Variants in RAP1GAP2 observed in about 807,000 individuals in gnomAD.
RAP1GAP2 encodes the protein rap1 GTPase-activating protein 2.
RAP1GAP2 carries 27 observed loss-of-function variants against 95.0 expected under a neutral mutation model. The ratio of observed to expected loss-of-function variants is 0.28; its 90% CI spans 0.21 to 0.39. RAP1GAP2 has a LOEUF of 0.39. Among genes scored for constraint, RAP1GAP2 ranks in the 10% least tolerant of loss-of-function variants. The pLI is 1.00. For synonymous variants in RAP1GAP2, 373 were observed against 380.9 expected, an observed-to-expected ratio of 0.98 and a Z score of 0.24; for missense variants, 771 against 970.0, an observed-to-expected ratio of 0.79 and a Z score of 2.72.
intron 2 of RAP1GAP2, among the ~76,000 whole-genome samples, chr17:2,873,091 A>G (rs2072915824): frequency 6.7e-6 from 1 of 148,606 alleles, no homozygotes; most frequent in Non-Finnish European, 1.5e-5. Context: ...GGACAGACTG[A>G]GACTTTGTCT....
At chr17:2,826,214 C>T (rs2070555955) in intron 2 of RAP1GAP2, among the ~76,000 whole-genome samples, 1 of 136,520 alleles carries the variant, frequency 7.3e-6, no homozygotes, top group Non-Finnish European at 1.5e-5. Flanking sequence ...CCAGGATGGT[C>T]TCAATCTCCT....
rs2072637881 is a variant in RAP1GAP2, at chr17:2,866,927, G to A, written c.81-38357G>A. On this transcript the variant is annotated intron_variant, in intron 2 of 24. Coordinates refer to ENST00000254695, the MANE Select transcript of RAP1GAP2 (RefSeq NM_015085.5). This position sits in a 1 kb window ranked among gnomAD's most constrained non-coding sequence, Gnocchi z 4.0. ...TTTTATTTTTTATTTTAGAGATGGA[G>A]TCTCACTCTGTCACCCAGGCTGGAG... Among the ~76,000 whole-genome samples, 1 of 135,018 alleles carries A rather than the reference G, an allele frequency of 7.4e-6. No homozygotes were observed. Among genetic ancestry groups the A allele is most frequent in the African/African-American group, 2.8e-5 (1 of 35,174 alleles). 88.6% of individuals were successfully genotyped at this position (135,018 alleles called of 152,430 possible).
At chr17:2,949,502 T>C (rs1567812594) in intron 3 of RAP1GAP2, among the ~76,000 whole-genome samples, 2 of 151,176 alleles carry the variant, frequency 1.3e-5, no homozygotes, top group African/African-American at 4.9e-5. Flanking sequence ...GAGCATTAAC[T>C]GAGTGCCTGC....
chr17:2,970,817 A>G (rs1597761121), intron 8 of RAP1GAP2, among the ~76,000 whole-genome samples: 1 of 151,810 alleles, frequency 6.6e-6, no homozygotes. Context: ...AGGCGGGAGG[A>G]TCACTTGAGC....
At chr17:2,890,740 A>G (rs2073683183) in intron 2 of RAP1GAP2, among the ~76,000 whole-genome samples, 1 of 148,824 alleles carries the variant, frequency 6.7e-6, no homozygotes, top group African/African-American at 2.5e-5. Context: ...GCTGGAGTGC[A>G]GTGGCGCAAT....
chr17:2,991,382 T>C lies in RAP1GAP2; in HGVS notation c.899T>C (p.Leu300Pro). 1 of 1,600,910 alleles carries C rather than the reference T, an allele frequency of 6.2e-7. No homozygotes were observed. Among genetic ancestry groups the C allele is most frequent in the Non-Finnish European group, 8.5e-7 (1 of 1,173,626 alleles). Reference sequence around the variant, plus strand: ...GACCTGCTGGGGGACACGATCACACTGCAGGATTTCAAAGGGTGGGTTTTA... The same window carrying C: ...GACCTGCTGGGGGACACGATCACACCGCAGGATTTCAAAGGGTGGGTTTTA... Reference protein sequence around the residue: ...FLDLLGDTITLQDFKGFRGGL... With the variant: ...FLDLLGDTITPQDFKGFRGGL... The change falls in exon 12 of 25, where the codon CTG becomes CCG. Residue 300 changes from leucine (L) to proline (P), a missense_variant. Transcript: ENST00000254695.
At chr17:2,845,540 C>G (rs926251079) in intron 2 of RAP1GAP2, among the ~76,000 whole-genome samples, 1 of 152,206 alleles carries the variant, frequency 6.6e-6, no homozygotes, top group South Asian at 2.1e-4. Flanking sequence ...AGCCATTGTT[C>G]TAATGTTTTT....
intron 2 of RAP1GAP2, among the ~76,000 whole-genome samples, chr17:2,807,514 C>A (rs2069572563): frequency 1.3e-5 from 2 of 152,106 alleles, no homozygotes; most frequent in African/African-American, 4.8e-5. Context: ...GTTGCCATGG[C>A]ACGGGACAAG....
intron 17 of RAP1GAP2, among the ~76,000 whole-genome samples, chr17:3,017,625 G>A (rs1283348782): frequency 6.6e-6 from 1 of 152,216 alleles, no homozygotes; most frequent in Non-Finnish European, 1.5e-5. Flanking sequence ...TCCCCACCAC[G>A]ATGCTGGGTG....
intron 1 of RAP1GAP2, among the ~76,000 whole-genome samples, chr17:2,756,284 C>A (rs892935747): frequency 6.6e-6 from 1 of 152,236 alleles, no homozygotes; most frequent in Admixed American, 6.5e-5. Context: ...GGACAGGGCG[C>A]AGAGAAGGGG....
chr17:3,011,396 TGCCTGTGGCCAG>T (rs888709934), intron 17 of RAP1GAP2, among the ~76,000 whole-genome samples: 1 of 152,174 alleles, frequency 6.6e-6, no homozygotes, highest in Non-Finnish European at 1.5e-5. Context: ...GTTTAGGCCA[TGCCTGTGGCCAG>T]GCCTGTGTGT....
chr17:2,826,147 ATTTTTTTT>A (rs71150901), intron 2 of RAP1GAP2, among the ~76,000 whole-genome samples: 3 of 108,864 alleles, frequency 2.8e-5, no homozygotes, highest in African/African-American at 3.7e-5. Flanking sequence ...CGCCCAGCAA[ATTTTTTTT>A]TTTTTTTTTT....
intron 2 of RAP1GAP2, among the ~76,000 whole-genome samples, chr17:2,877,788 G>C (rs1208217408): frequency 6.6e-6 from 1 of 152,130 alleles, no homozygotes; most frequent in Non-Finnish European, 1.5e-5. Flanking sequence ...CTTGAAATTT[G>C]GTTCTCATGG....
At chr17:2,967,158 G>T (rs2044642712) in intron 8 of RAP1GAP2, among the ~76,000 whole-genome samples, 1 of 152,082 alleles carries the variant, frequency 6.6e-6, no homozygotes, top group Non-Finnish European at 1.5e-5. Context: ...CACGAGGTCA[G>T]GAGATCGAGA....
intron 3 of RAP1GAP2, among the ~76,000 whole-genome samples, chr17:2,909,083 G>A (rs2042288479): frequency 6.6e-6 from 1 of 152,134 alleles, no homozygotes; most frequent in African/African-American, 2.4e-5. Context: ...AAACATCTGG[G>A]AGCCCTTCTC....
At chr17:2,936,499 C>T (rs2043315824) in intron 3 of RAP1GAP2, among the ~76,000 whole-genome samples, 1 of 151,892 alleles carries the variant, frequency 6.6e-6, no homozygotes, top group Non-Finnish European at 1.5e-5. Flanking sequence ...CTCCTTCCTC[C>T]CTGCCTCGAA....
intron 3 of RAP1GAP2, among the ~76,000 whole-genome samples, chr17:2,927,861 C>T (rs1171662184): frequency 1.3e-5 from 2 of 152,218 alleles, no homozygotes; most frequent in African/African-American, 2.4e-5. Flanking sequence ...CTTCACCTGC[C>T]TGATCTCATT....
In RAP1GAP2 at chr17:3,027,187, G is replaced by C; in HGVS notation, c.2107+117G>C. ...CCAGTTTTCACCCCTCCTCCCAGCT[G>C]TGAGGCCCTCCGCTCTGTGCGCCCG... On this transcript the variant is annotated intron_variant, in intron 22 of 24. Transcript: ENST00000254695. The surrounding 1 kb of genome is among the most constrained non-coding windows in gnomAD (Gnocchi z 5.2). 7.5e-7 allele frequency: 1 copy of C among 1,328,652 alleles called. No homozygotes were observed. The highest frequency in any genetic ancestry group is 1.0e-6 in the Non-Finnish European group (1 of 991,052). 82.3% of individuals were successfully genotyped at this position (1,328,652 alleles called of 1,614,324 possible). A position where few individuals can be genotyped will look rare whatever the true frequency, so the allele number is the denominator to read the frequency against.
At chr17:3,024,289 C>T (rs565199899) in intron 19 of RAP1GAP2, among the ~76,000 whole-genome samples, 2 of 152,238 alleles carry the variant, frequency 1.3e-5, no homozygotes, top group African/African-American at 4.8e-5. Flanking sequence ...CAAAGTGAGC[C>T]AAACCCCTGG....
Sources: allele counts gnomAD v4.1 joint callset (sites outside exome capture counted in the v4.1 genomes callset), GRCh38; gene constraint gnomAD v4.1.1; non-coding constraint Gnocchi (gnomAD v3.1); transcripts MANE v1.5; gene names NCBI Gene and HGNC (gene_info 2026-07-23, HGNC 2026-07-21).